ENAH: variants seen among roughly 807,000 people sequenced by gnomAD.
ENAH encodes protein enabled homolog.
ENAH carries 23 observed loss-of-function variants against 78.7 expected under a neutral mutation model. The observed-to-expected ratio is 0.29, with a 90% CI of 0.21 to 0.41. ENAH has a LOEUF of 0.41. ENAH is among the 10% of genes least tolerant of loss of function. ENAH has a pLI of 1.00. For synonymous variants in ENAH, 226 were observed against 241.0 expected (o/e 0.94, Z 0.58); for missense variants, 544 against 691.0 (o/e 0.79, Z 2.39).
intron 4 of ENAH, chr1:225,524,482 T>C: frequency 2.6e-6 from 1 of 378,094 alleles, no homozygotes; most frequent in South Asian, 1.1e-4. Flanking sequence ...TACAGTTTGA[T>C]TGTATAACAT....
intron 4 of ENAH, among the ~76,000 whole-genome samples, chr1:225,526,696 T>C (rs764992686): frequency 1.1e-4 from 16 of 152,202 alleles, no homozygotes; most frequent in Non-Finnish European, 8.8e-5. Flanking sequence ...CAAGTTTACT[T>C]TCTTGTTCTC....
chr1:225,577,813 C>T (rs2096795516), intron 1 of ENAH, among the ~76,000 whole-genome samples: 1 of 152,120 alleles, frequency 6.6e-6, no homozygotes, highest in African/African-American at 2.4e-5. Flanking sequence ...AGGTTAAATA[C>T]AATAGTATGT....
At chr1:225,574,919 A>AAAAAAAAATAT (rs1177451807) in intron 1 of ENAH, among the ~76,000 whole-genome samples, 1 of 2,990 alleles carries the variant, frequency 3.3e-4, no homozygotes, top group African/African-American at 2.5e-3. Flanking sequence ...AAAAAAAAAA[A>AAAAAAAAATAT]ATATATATAT....
At chr1:225,559,700 T>C (rs891574191) in intron 2 of ENAH, among the ~76,000 whole-genome samples, 7 of 151,896 alleles carry the variant, frequency 4.6e-5, no homozygotes, top group Non-Finnish European at 8.8e-5. Context: ...ACAACTCAAA[T>C]AGGAGTAGGA....
intron 1 of ENAH, among the ~76,000 whole-genome samples, chr1:225,649,115 T>C (rs970558258): frequency 2.6e-5 from 4 of 152,194 alleles, no homozygotes; most frequent in African/African-American, 7.2e-5. Context: ...TATTATCATT[T>C]GATCCTCACT....
intron 4 of ENAH, among the ~76,000 whole-genome samples, chr1:225,521,596 A>G (rs1389869909): frequency 6.7e-6 from 1 of 149,346 alleles, no homozygotes; most frequent in African/African-American, 2.5e-5. Context: ...AGCTGAGACT[A>G]TGCCCCTGTA....
intron 1 of ENAH, among the ~76,000 whole-genome samples, chr1:225,600,107 C>A (rs1046477158): frequency 1.3e-5 from 2 of 152,168 alleles, no homozygotes; most frequent in Non-Finnish European, 2.9e-5. Flanking sequence ...TCCTATAAAG[C>A]CTGCAGAACC....
chr1:225,632,092 G>T (rs1659190004), intron 1 of ENAH, among the ~76,000 whole-genome samples: 1 of 152,186 alleles, frequency 6.6e-6, no homozygotes, highest in Non-Finnish European at 1.5e-5. Flanking sequence ...TATTCTTGCG[G>T]TAGCTTTAAA....
intron 4 of ENAH, among the ~76,000 whole-genome samples, chr1:225,520,422 A>G (rs2096458116): frequency 6.6e-6 from 1 of 152,238 alleles, no homozygotes; most frequent in Non-Finnish European, 1.5e-5. Context: ...ACATCTATAT[A>G]TACACATACG....
intron 11 of ENAH, 61 bp downstream of exon 11, chr1:225,507,890 A>C: frequency 8.3e-7 from 1 of 1,209,282 alleles, no homozygotes; most frequent in Non-Finnish European, 1.1e-6. Flanking sequence ...TTCTACACTA[A>C]GAATGCATTA....
At chr1:225,615,850 C>T (rs1402676869) in intron 1 of ENAH, among the ~76,000 whole-genome samples, 4 of 151,560 alleles carry the variant, frequency 2.6e-5, no homozygotes, top group South Asian at 4.2e-4. Context: ...TCATTGAGAA[C>T]GGGCCATGAT....
rs2096426503 is a variant in ENAH at position 225,517,159 on chromosome 1, AG to A, written c.913+36del. 6 of 1,459,506 alleles carry A rather than the reference AG, an allele frequency of 4.1e-6. No homozygotes were observed. The East Asian group carries it at 1.5e-4, about 36-fold the overall frequency. The allele number at this position is 1,459,506 out of a possible 1,614,324, so 90.4% of individuals were successfully genotyped here. The stretch of plus-strand genomic sequence containing the variant: ...AAGTCACTGCTATATAACATTTTCA[AG>A]TGATTAGCTGTTAGTAGCAATAATG... On this transcript the variant is annotated intron_variant, in intron 6 of 13. Coordinates refer to ENST00000366843, the MANE Select transcript of ENAH (RefSeq NM_018212.6).
chr1:225,506,217 CAT>C (rs1235979492), intron 11 of ENAH, among the ~76,000 whole-genome samples: 7 of 152,262 alleles, frequency 4.6e-5, no homozygotes, highest in South Asian at 2.1e-4. Flanking sequence ...ACAAATGACA[CAT>C]GACAGGTCTG....
chr1:225,622,009 T>C (rs951529147), intron 1 of ENAH, among the ~76,000 whole-genome samples: 2 of 152,210 alleles, frequency 1.3e-5, no homozygotes, highest in African/African-American at 2.4e-5. Flanking sequence ...CATGAAACAA[T>C]CTATGTACTA....
chr1:225,628,358 T>C (rs1215571397), intron 1 of ENAH, among the ~76,000 whole-genome samples: 2 of 152,192 alleles, frequency 1.3e-5, no homozygotes, highest in Non-Finnish European at 2.9e-5. Context: ...CTTAAGGAAT[T>C]AGTCTGCAAT....
At chr1:225,523,760 A>C (rs1163306583) in intron 4 of ENAH, among the ~76,000 whole-genome samples, 1 of 152,186 alleles carries the variant, frequency 6.6e-6, no homozygotes, top group Non-Finnish European at 1.5e-5. Flanking sequence ...TTGACCTCTA[A>C]AGCAAGACAT....
chr1:225,593,442 C>A (rs1448738398), intron 1 of ENAH, among the ~76,000 whole-genome samples: 1 of 135,798 alleles, frequency 7.4e-6, no homozygotes, highest in Admixed American at 7.6e-5. Context: ...GTATGAGAAC[C>A]CAGAAGTACC....
At chr1:225,571,746 T>C (rs2096763630) in intron 1 of ENAH, among the ~76,000 whole-genome samples, 1 of 152,142 alleles carries the variant, frequency 6.6e-6, no homozygotes, top group South Asian at 2.1e-4. Context: ...TCGATCATGC[T>C]TATGTAATGA....
At chr1:225,546,833 C>G (rs2096616362) in intron 3 of ENAH, among the ~76,000 whole-genome samples, 1 of 152,068 alleles carries the variant, frequency 6.6e-6, no homozygotes, top group Non-Finnish European at 1.5e-5. Flanking sequence ...TTTCTTTTGC[C>G]ACATTGTGAA....
Sources: allele counts gnomAD v4.1 joint callset (sites outside exome capture counted in the v4.1 genomes callset), GRCh38; gene constraint gnomAD v4.1.1; transcripts MANE v1.5; gene names NCBI Gene and HGNC (gene_info 2026-07-23, HGNC 2026-07-21).